FAM107B: variants seen among roughly 807,000 people sequenced by gnomAD.
The protein encoded by FAM107B is protein FAM107B.
A neutral mutation model predicts 31.5 loss-of-function variants in FAM107B; 21 were observed. The observed-to-expected ratio is 0.67, with a 90% CI of 0.47 to 0.96. The LOEUF (loss-of-function observed/expected upper bound fraction) is 0.96, where lower values mean the gene tolerates loss of function less well. Among genes scored for constraint, FAM107B ranks in the 40% least tolerant of loss-of-function variants. The pLI is 0.00. For synonymous variants in FAM107B, 157 were observed against 141.5 expected, an observed-to-expected ratio of 1.11 and a Z score of -0.78; for missense variants, 452 against 377.1, an observed-to-expected ratio of 1.20 and a Z score of -1.64.
chr10:14,589,127 G>A (rs1283961161), intron 2 of FAM107B, among the ~76,000 whole-genome samples: 1 of 145,474 alleles, frequency 6.9e-6, no homozygotes, highest in Non-Finnish European at 1.5e-5. Context: ...AGTGAGCCGA[G>A]ATAACATCAC....
intron 1 of FAM107B, among the ~76,000 whole-genome samples, chr10:14,767,041 TATATATATATATATAG>T (rs1355840829): frequency 2.7e-3 from 99 of 36,294 alleles, no homozygotes; most frequent in African/African-American, 7.0e-3. Context: ...TATATATATA[TATATATATATATATAG>T]AGAGAGAGAG....
intron 1 of FAM107B, among the ~76,000 whole-genome samples, chr10:14,737,766 T>TCTCTCTCTCTCTCTCTCTCTCTCTC (rs1856336376): frequency 2.4e-5 from 3 of 127,048 alleles, no homozygotes; most frequent in African/African-American, 6.5e-5. Flanking sequence ...CGTGCACGCT[T>TCTCTCTCTCTCTCTCTCTCTCTCTC]TCTCTCTCTC....
intron 2 of FAM107B, among the ~76,000 whole-genome samples, chr10:14,569,968 T>A (rs1172837516): frequency 3.3e-5 from 5 of 152,182 alleles, no homozygotes; most frequent in Non-Finnish European, 7.3e-5. Context: ...AGCAACTCAG[T>A]CGCTTTTCTA....
In FAM107B at chr10:14,665,307, C is replaced by T. The variant is rs1854376777; in HGVS notation, c.469+2327G>A. On this transcript the variant is annotated intron_variant, in intron 2 of 4. Coordinates refer to ENST00000181796, the MANE Select transcript of FAM107B (RefSeq NM_031453.4). ...TTTGCTGAATCTCTAGTAACACATA[C>T]TGAGGGCCTAAGGAGCTGGGAACCC... 2.6e-5 allele frequency among the ~76,000 whole-genome samples: 4 copies of T among 152,154 alleles called. No individual in the cohort carries two copies. The South Asian group carries it at 6.2e-4, about 24-fold the overall frequency.
At chr10:14,523,078 C>T (rs979911461) in intron 3 of FAM107B, among the ~76,000 whole-genome samples, 4 of 152,180 alleles carry the variant, frequency 2.6e-5, no homozygotes, top group Non-Finnish European at 5.9e-5. Context: ...CTGAAATATT[C>T]GAGAGAAGTC....
intron 2 of FAM107B, among the ~76,000 whole-genome samples, chr10:14,584,949 T>A (rs1851776055): frequency 6.6e-6 from 1 of 152,216 alleles, no homozygotes; most frequent in African/African-American, 2.4e-5. Context: ...CAATCAGATG[T>A]TGGCACAGGG....
chr10:14,652,728 A>G (rs1233580791), intron 2 of FAM107B: 1 of 152,218 alleles, frequency 6.6e-6, no homozygotes, highest in Non-Finnish European at 1.5e-5. Context: ...TTTTGTGTTC[A>G]GTTGTGAGAA....
intron 2 of FAM107B, chr10:14,535,001 C>T (rs1010215980): frequency 6.6e-6 from 1 of 152,190 alleles, no homozygotes; most frequent in Non-Finnish European, 1.5e-5. Flanking sequence ...GGTACATTTC[C>T]TCTCTGAGCA....
At chr10:14,528,209 T>A (rs111576282) in intron 3 of FAM107B, among the ~76,000 whole-genome samples, 3,328 of 137,768 alleles carry the variant, frequency 0.024, 90 homozygotes, top group East Asian at 0.14. Context: ...AGAGACAGAG[T>A]TTTGCTCTGT....
In FAM107B at chr10:14,651,794, G is replaced by C. The variant is rs1336650400; in HGVS notation, c.469+15840C>G. ...ATCTGACGGTGTGTAGGGTTTATAA[G>C]AACAGGTAAAGCCTGGACACAGAAA... On this transcript the variant is annotated intron_variant, in intron 2 of 4. Coordinates refer to ENST00000181796, the MANE Select transcript of FAM107B (RefSeq NM_031453.4). Among the ~76,000 whole-genome samples the C allele has an allele frequency of 2.6e-5, 4 of 152,288 alleles. No homozygotes were observed. The South Asian group carries it at 6.2e-4, about 24-fold the overall frequency.
At chr10:14,553,500 A>C in intron 2 of FAM107B, 1 of 481,806 alleles carries the variant, frequency 2.1e-6, no homozygotes, top group Non-Finnish European at 3.5e-6. Context: ...CCCTTAGCTC[A>C]AATTAACAAT....
At chr10:14,521,519 A>T (rs1258119196) in intron 4 of FAM107B, among the ~76,000 whole-genome samples, 1 of 152,226 alleles carries the variant, frequency 6.6e-6, no homozygotes, top group Non-Finnish European at 1.5e-5. Context: ...GGACCACGAG[A>T]TGACAAGAAT....
chr10:14,638,457 T>G (rs1422295966), intron 2 of FAM107B, among the ~76,000 whole-genome samples: 1 of 152,244 alleles, frequency 6.6e-6, no homozygotes, highest in African/African-American at 2.4e-5. Flanking sequence ...AATGTTGGCA[T>G]GCAGCCTTTA....
At chr10:14,683,845 C>A (rs1189721261) in intron 1 of FAM107B, among the ~76,000 whole-genome samples, 3 of 152,206 alleles carry the variant, frequency 2.0e-5, no homozygotes, top group Admixed American at 6.5e-5. Flanking sequence ...GTAACTGAAG[C>A]TCCCAGAGGC....
At chr10:14,769,285 C>A (rs1833248646) in intron 1 of FAM107B, among the ~76,000 whole-genome samples, 1 of 152,242 alleles carries the variant, frequency 6.6e-6, no homozygotes, top group Non-Finnish European at 1.5e-5. Flanking sequence ...GTTACCACTT[C>A]TCTGCCCAGT....
intron 1 of FAM107B, among the ~76,000 whole-genome samples, chr10:14,773,974 G>A (rs753328841): frequency 2.6e-5 from 4 of 152,196 alleles, no homozygotes; most frequent in Non-Finnish European, 4.4e-5. Flanking sequence ...GTTATTGAGT[G>A]AGCCATTTTT....
intron 2 of FAM107B, among the ~76,000 whole-genome samples, chr10:14,552,950 C>G (rs1209541650): frequency 6.6e-6 from 1 of 152,186 alleles, no homozygotes; most frequent in African/African-American, 2.4e-5. Context: ...TTAAACTTGC[C>G]ACAGTAATTT....
At chr10:14,624,058 A>G (rs1245096396) in intron 2 of FAM107B, among the ~76,000 whole-genome samples, 1 of 152,086 alleles carries the variant, frequency 6.6e-6, no homozygotes, top group Admixed American at 6.6e-5. Context: ...ATCAGCAACC[A>G]CCGTACTGAC....
intron 2 of FAM107B, among the ~76,000 whole-genome samples, chr10:14,639,244 G>A (rs1179720610): frequency 6.6e-6 from 1 of 152,018 alleles, no homozygotes; most frequent in Non-Finnish European, 1.5e-5. Flanking sequence ...TCAGCTCATA[G>A]ACAGCTTCCT....
Sources: allele counts gnomAD v4.1 joint callset (sites outside exome capture counted in the v4.1 genomes callset), GRCh38; gene constraint gnomAD v4.1.1; transcripts MANE v1.5; gene names NCBI Gene and HGNC (gene_info 2026-07-23, HGNC 2026-07-21).